ERCC6L2: variants seen among roughly 807,000 people sequenced by gnomAD.
ERCC6L2 encodes the protein DNA excision repair protein ERCC-6-like 2.
A neutral mutation model predicts 132.0 loss-of-function variants in ERCC6L2; 77 were observed. The observed-to-expected ratio is 0.58, with a 90% CI of 0.49 to 0.71. The LOEUF (loss-of-function observed/expected upper bound fraction) is 0.71, where lower values mean the gene tolerates loss of function less well. ERCC6L2 is among the 30% of genes least tolerant of loss of function. The pLI is 0.00. For synonymous variants in ERCC6L2, 583 were observed against 632.4 expected (o/e 0.92, Z 1.17); for missense variants, 1,542 against 1,837.6 (o/e 0.84, Z 2.94).
chr9:95,970,759 A>T (rs908517297), intron 15 of ERCC6L2, 103 bp downstream of exon 15: 16 of 776,032 alleles, frequency 2.1e-5, no homozygotes, highest in Non-Finnish European at 2.8e-5. Context: ...TGTAAAAAAA[A>T]AAATTAAGAG....
chr9:96,010,199 G>A (rs1248079198), intron 18 of ERCC6L2, among the ~76,000 whole-genome samples: 1 of 152,198 alleles, frequency 6.6e-6, no homozygotes, highest in Non-Finnish European at 1.5e-5. Flanking sequence ...TTCTGTTGGA[G>A]ATGAAAGTGG....
chr9:95,918,206 A>T (rs1829692325), intron 6 of ERCC6L2: 1 of 475,006 alleles, frequency 2.1e-6, no homozygotes, highest in Admixed American at 2.3e-5. Flanking sequence ...AGCCCTGTAG[A>T]CATGATGAGA....
At chr9:95,977,845 T>A (rs1055287627) in intron 16 of ERCC6L2, among the ~76,000 whole-genome samples, 1 of 152,036 alleles carries the variant, frequency 6.6e-6, no homozygotes, top group Non-Finnish European at 1.5e-5. Flanking sequence ...TTGTTACCTA[T>A]CAGTAGTTCT....
At position 96,030,479 on chromosome 9, in the gene ERCC6L2, C is replaced by T. The variant is rs1054218883; in HGVS notation, c.*1504-8397C>T. Among the ~76,000 whole-genome samples the T allele has an allele frequency of 5.3e-5, 8 of 152,102 alleles. No individual in the cohort carries two copies. The East Asian group carries it at 1.3e-3, about 26-fold the overall frequency. ...TTGGGAGGCCAAAGCAGGCGGATCA[C>T]GATGTCAGGCGATCTAGACTATCCT... is the stretch of plus-strand genomic sequence containing the variant. On this transcript the variant is annotated intron_variant and NMD_transcript_variant, in intron 19 of 20. Coordinates refer to the ERCC6L2 transcript ENST00000670016.
chr9:95,958,809 C>G (rs1255444575), intron 13 of ERCC6L2, among the ~76,000 whole-genome samples: 1 of 152,104 alleles, frequency 6.6e-6, no homozygotes, highest in Non-Finnish European at 1.5e-5. Flanking sequence ...ACCTAGGAAT[C>G]CTACTTACAA....
intron 4 of ERCC6L2, among the ~76,000 whole-genome samples, chr9:95,915,204 A>G (rs997686723): frequency 1.3e-5 from 2 of 152,160 alleles, no homozygotes; most frequent in African/African-American, 4.8e-5. Flanking sequence ...TAAAGAGACC[A>G]CTATGGGTGC....
At chr9:95,962,888 AT>A (rs1388735443) in intron 13 of ERCC6L2, among the ~76,000 whole-genome samples, 1 of 152,162 alleles carries the variant, frequency 6.6e-6, no homozygotes, top group Non-Finnish European at 1.5e-5. Context: ...ATGTGTATGT[AT>A]AAATAGCTTT....
At chr9:95,976,103 T>C (rs1175354964) in intron 16 of ERCC6L2, among the ~76,000 whole-genome samples, 1 of 152,186 alleles carries the variant, frequency 6.6e-6, no homozygotes. Context: ...TTATTTCCCC[T>C]GAATTTTACA....
intron 14 of ERCC6L2, chr9:95,968,344 C>T (rs545338650): frequency 6.6e-6 from 1 of 152,000 alleles, no homozygotes; most frequent in South Asian, 2.1e-4. Flanking sequence ...GTGACAAGGC[C>T]ATCCATGCCC....
At chr9:95,888,105 T>C (rs1209413710) in intron 2 of ERCC6L2, among the ~76,000 whole-genome samples, 1 of 152,076 alleles carries the variant, frequency 6.6e-6, no homozygotes, top group South Asian at 2.1e-4. Flanking sequence ...AAAATACTTT[T>C]GAAGTGTGGT....
chr9:95,942,818 GA>G (rs2132886986), intron 12 of ERCC6L2, among the ~76,000 whole-genome samples: 1 of 152,168 alleles, frequency 6.6e-6, no homozygotes, highest in Admixed American at 6.5e-5. Context: ...GACTGAGAGA[GA>G]AAACATACAT....
intron 3 of ERCC6L2, among the ~76,000 whole-genome samples, chr9:95,903,282 A>G (rs975096403): frequency 1.6e-4 from 24 of 152,174 alleles, no homozygotes; most frequent in South Asian, 4.1e-4. Flanking sequence ...TTCTATTTCT[A>G]GACGTATTAT....
chr9:96,020,887 G>A, downstream of ERCC6L2: 1 of 456,758 alleles, frequency 2.2e-6, no homozygotes, highest in South Asian at 1.5e-5. Flanking sequence ...TCCTGGTTTG[G>A]GTTGGCCAGG....
chr9:96,005,262 G>C (rs1334798135), intron 18 of ERCC6L2, among the ~76,000 whole-genome samples: 1 of 151,866 alleles, frequency 6.6e-6, no homozygotes, highest in South Asian at 2.1e-4. Context: ...GCAGTGAGCC[G>C]AGATTGCGCC....
chr9:95,876,025 C>T lies in ERCC6L2; in HGVS notation c.-14C>T, dbSNP rs767605945. 2 of 1,585,906 alleles carry T rather than the reference C, an allele frequency of 1.3e-6. No individual in the cohort carries two copies. The highest frequency in any genetic ancestry group is 8.6e-7 in the Non-Finnish European group (1 of 1,166,964). ...TGTTACATGCAGCCGGGCTCGGCCCCTCCCCCTGGCCGGATGGATCCGTCG... is the reference window on the plus strand; with the variant it reads ...TGTTACATGCAGCCGGGCTCGGCCCTTCCCCCTGGCCGGATGGATCCGTCG... On this transcript the variant is annotated 5_prime_UTR_variant, in exon 1 of 19. Transcript: ENST00000653738.
intron 12 of ERCC6L2, among the ~76,000 whole-genome samples, chr9:95,948,791 GAAAAA>G (rs55712485): frequency 2.8e-4 from 29 of 104,070 alleles, no homozygotes; most frequent in South Asian, 6.0e-4. Context: ...CAAGACATTA[GAAAAA>G]AAAAAAAAAA....
At chr9:95,890,254 T>A (rs529006097) in intron 2 of ERCC6L2, among the ~76,000 whole-genome samples, 5 of 152,334 alleles carry the variant, frequency 3.3e-5, no homozygotes, top group Admixed American at 6.5e-5. Context: ...GAATTTTAAG[T>A]TGAATTGGAT....
At chr9:95,947,488 T>G (rs1831118118) in intron 12 of ERCC6L2, among the ~76,000 whole-genome samples, 2 of 152,288 alleles carry the variant, frequency 1.3e-5, no homozygotes, top group South Asian at 4.1e-4. Context: ...GCAGCAAGTG[T>G]TGATGTAGAA....
At chr9:95,887,497 A>G (rs935507666) in intron 2 of ERCC6L2, among the ~76,000 whole-genome samples, 1 of 152,222 alleles carries the variant, frequency 6.6e-6, no homozygotes, top group African/African-American at 2.4e-5. Context: ...ATGTCTTACC[A>G]TATTATTTTA....
Sources: gnomAD v4.1 joint callset for allele counts (sites outside exome capture counted in the v4.1 genomes callset) on GRCh38, gnomAD v4.1.1 for gene constraint, MANE v1.5 for transcripts, NCBI Gene and HGNC (gene_info 2026-07-23, HGNC 2026-07-21) for gene names.